Variants in TXNRD1 observed in about 807,000 individuals in gnomAD.
The protein encoded by TXNRD1 is thioredoxin reductase 1, cytoplasmic.
TXNRD1 carries 57 observed loss-of-function variants against 80.3 expected under a neutral mutation model. The observed-to-expected ratio is 0.71, with a 90% CI of 0.57 to 0.89. The LOEUF is 0.89. Ranked by LOEUF, TXNRD1 falls within the 40% of genes least tolerant of loss-of-function variation. TXNRD1 has a pLI of 0.00. For synonymous variants in TXNRD1, 291 were observed against 285.2 expected, an observed-to-expected ratio of 1.02 and a Z score of -0.20; for missense variants, 730 against 803.0, an observed-to-expected ratio of 0.91 and a Z score of 1.10.
intron 3 of TXNRD1, chr12:104,258,299 T>C (rs77501204): frequency 0.052 from 21,848 of 418,030 alleles, 717 homozygotes; most frequent in Middle Eastern, 0.12. Flanking sequence ...TACCCAGAGT[T>C]TCCTCTTATT....
At chr12:104,336,630 G>A (rs961379372) in intron 15 of TXNRD1, among the ~76,000 whole-genome samples, 1 of 152,100 alleles carries the variant, frequency 6.6e-6, no homozygotes. Context: ...GTCAAGGAAT[G>A]TTAACATTTT....
intron 3 of TXNRD1, among the ~76,000 whole-genome samples, chr12:104,275,710 T>C (rs1443111048): frequency 6.6e-6 from 1 of 152,122 alleles, no homozygotes; most frequent in African/African-American, 2.4e-5. Context: ...CGGTGTCCAC[T>C]GTAATGCTTT....
chr12:104,346,038 A>G, intron 16 of TXNRD1: 1 of 1,270,900 alleles, frequency 7.9e-7, no homozygotes, highest in Non-Finnish European at 1.0e-6. Flanking sequence ...TTTATTTGAG[A>G]TAGGGTTCCT....
chr12:104,346,331 A>G (rs994573848), intron 16 of TXNRD1, among the ~76,000 whole-genome samples: 9 of 152,200 alleles, frequency 5.9e-5, no homozygotes, highest in Non-Finnish European at 1.0e-4. Context: ...ATTTAGACTG[A>G]TCAACGATGG....
chr12:104,251,667 C>T lies in TXNRD1; in HGVS notation c.232C>T (p.Arg78Cys), dbSNP rs769989720. Residue 78 changes from arginine (R) to cysteine (C), a missense_variant, in exon 2 of 17, where the codon CGC (arginine) becomes TGC (cysteine). Arg to Cys is a radical substitution (Grantham distance 180, BLOSUM62 -3). Coordinates refer to ENST00000525566, the MANE Select transcript of TXNRD1 (RefSeq NM_001093771.3). ...VVIFSRSTCT[R>C]CTEVKKLFKS... ...CATCTTCAGTAGGTCCACATGCACA[C>T]GCTGTACTGAGGTAAGGCTTTAAAC... The T allele has an allele frequency of 1.5e-5, 25 of 1,613,694 alleles. No individual in the cohort carries two copies. The South Asian group carries it at 2.3e-4, about 15-fold the overall frequency.
chr12:104,303,490 A>G (rs890169997), intron 4 of TXNRD1, among the ~76,000 whole-genome samples: 1 of 152,226 alleles, frequency 6.6e-6, no homozygotes, highest in African/African-American at 2.4e-5. Context: ...AGTTTTGTGT[A>G]AAGTTGTCCA....
At chr12:104,336,421 A>C (rs570403539) in intron 15 of TXNRD1, among the ~76,000 whole-genome samples, 1 of 152,310 alleles carries the variant, frequency 6.6e-6, no homozygotes, top group South Asian at 2.1e-4. Context: ...AATCTGAGGT[A>C]AAAGCTTGTA....
chr12:104,249,602 T>G (rs1019964789), intron 1 of TXNRD1, among the ~76,000 whole-genome samples: 1 of 152,138 alleles, frequency 6.6e-6, no homozygotes, highest in Non-Finnish European at 1.5e-5. Context: ...AAATAATACA[T>G]GTTCATGGTT....
At chr12:104,237,505 T>C (rs915056734) in intron 1 of TXNRD1, among the ~76,000 whole-genome samples, 1 of 152,162 alleles carries the variant, frequency 6.6e-6, no homozygotes, top group Non-Finnish European at 1.5e-5. Flanking sequence ...ATTTTAGGGA[T>C]CTCTCTTTGC....
At chr12:104,303,888 C>A in intron 4 of TXNRD1, 1 of 1,528,974 alleles carries the variant, frequency 6.5e-7, no homozygotes, top group South Asian at 1.3e-5. Flanking sequence ...GTGATCATCC[C>A]CGGTAGCGAG....
chr12:104,348,381 G>A lies in TXNRD1; in HGVS notation c.1910G>A (p.Arg637His), dbSNP rs775255749. ...EVFTTLSVTK[R>H]SGASILQAGC... ...TTCACAACATTGTCTGTGACCAAGC[G>A]CTCTGGGGCAAGCATCCTCCAGGCT... Residue 637 changes from arginine (R) to histidine (H), a missense_variant, in exon 17 of 17, where the codon CGC becomes CAC. Transcript: ENST00000525566. 85 of 1,613,854 alleles carry A rather than the reference G, an allele frequency of 5.3e-5. No homozygotes were observed. The highest frequency in any genetic ancestry group is 6.9e-5 in the Non-Finnish European group (82 of 1,179,892).
chr12:104,224,735 T>C (rs964640500), intron 1 of TXNRD1: 5 of 432,946 alleles, frequency 1.2e-5, no homozygotes, highest in African/African-American at 2.0e-5. Context: ...TGGCACATAG[T>C]AGATGCTCGG....
rs765685462 is a variant in TXNRD1, at chr12:104,327,663, A to G, written c.1534A>G (p.Thr512Ala). 1.2e-6 allele frequency: 2 copies of G among 1,613,506 alleles called. No individual in the cohort carries two copies. Among genetic ancestry groups the G allele is most frequent in the South Asian group, 1.1e-5 (1 of 91,018 alleles). ...LLAQRLYAGS[T>A]VKCDYENVPT... ...GGCTCAGAGGCTCTATGCAGGTTCCACTGTCAAGGTGAGTGTTGTGCTTGT... is the reference window on the plus strand; with the variant it reads ...GGCTCAGAGGCTCTATGCAGGTTCCGCTGTCAAGGTGAGTGTTGTGCTTGT... The change falls in exon 13 of 17, where the codon ACT becomes GCT. Residue 512 changes from threonine to alanine, a missense_variant. Physicochemically the swap from Thr to Ala is moderately conservative, Grantham distance 58. Transcript: ENST00000525566.
chr12:104,276,987 C>A (rs1057458470), intron 3 of TXNRD1, among the ~76,000 whole-genome samples: 1 of 152,068 alleles, frequency 6.6e-6, no homozygotes, highest in Non-Finnish European at 1.5e-5. Flanking sequence ...GTGGCTCATG[C>A]CTATAATCCC....
intron 3 of TXNRD1, chr12:104,262,497 C>T (rs2033389046): frequency 6.6e-6 from 1 of 152,140 alleles, no homozygotes; most frequent in Non-Finnish European, 1.5e-5. Context: ...CCTCCTTTAT[C>T]TGTTTCTTCT....
intron 10 of TXNRD1, among the ~76,000 whole-genome samples, chr12:104,323,436 G>A (rs1368339050): frequency 2.7e-5 from 4 of 145,576 alleles, no homozygotes; most frequent in Non-Finnish European, 6.1e-5. Context: ...GGACGGGGCG[G>A]CTGGCCGGGC....
intron 3 of TXNRD1, chr12:104,287,115 C>T (rs1257829507): frequency 6.8e-7 from 1 of 1,480,364 alleles, no homozygotes; most frequent in Non-Finnish European, 8.9e-7. Context: ...TTCTTGTAAG[C>T]TCTGCGTCGG....
At chr12:104,251,813 C>T in intron 2 of TXNRD1, 135 bp downstream of exon 2, 1 of 959,498 alleles carries the variant, frequency 1.0e-6, no homozygotes, top group Non-Finnish European at 1.5e-6. Flanking sequence ...CACCTGTAAT[C>T]CCAGCACTTT....
At chr12:104,296,985 T>C (rs1328731688) in intron 4 of TXNRD1, among the ~76,000 whole-genome samples, 1 of 152,194 alleles carries the variant, frequency 6.6e-6, no homozygotes, top group Non-Finnish European at 1.5e-5. Context: ...AACGCAAGTC[T>C]GTAGAGCAAT....
Sources: allele counts gnomAD v4.1 joint callset (sites outside exome capture counted in the v4.1 genomes callset), GRCh38; gene constraint gnomAD v4.1.1; transcripts MANE v1.5; gene names NCBI Gene and HGNC (gene_info 2026-07-23, HGNC 2026-07-21).